The following GNA14 variants were observed in gnomAD, a reference collection of about 807,000 sequenced individuals.
The protein encoded by GNA14 is G protein subunit alpha 14.
A neutral mutation model predicts 42.0 loss-of-function variants in GNA14; 50 were observed. The observed-to-expected ratio is 1.19, with a 90% confidence interval of 0.95 to 1.51. The LOEUF (loss-of-function observed/expected upper bound fraction) is 1.51. Among genes scored for constraint, GNA14 ranks in the 40% most tolerant of loss-of-function variants. The probability of loss-of-function intolerance (pLI) is 0.00; values close to 1 mark genes in which losing one functional copy is unlikely to be tolerated. For synonymous variants in GNA14, 173 were observed against 163.1 expected (o/e 1.06, Z -0.46); for missense variants, 473 against 446.2 (o/e 1.06, Z -0.54).
chr9:77,626,307 C>T (rs1824012045), intron 1 of GNA14, among the ~76,000 whole-genome samples: 2 of 152,162 alleles, frequency 1.3e-5, no homozygotes, highest in South Asian at 4.2e-4. Flanking sequence ...CTTTAACACC[C>T]CATTGTCAAT....
At chr9:77,434,657 C>T (rs1835614533) in intron 2 of GNA14, 135 bp from the exon 3 acceptor site, 1 of 690,450 alleles carries the variant, frequency 1.4e-6, no homozygotes, top group East Asian at 2.7e-5. Flanking sequence ...GGGCACCCTC[C>T]CAGGGGCCGC....
chr9:77,531,478 G>A (rs1472130351), intron 1 of GNA14, among the ~76,000 whole-genome samples: 1 of 152,146 alleles, frequency 6.6e-6, no homozygotes, highest in African/African-American at 2.4e-5. Context: ...CTCTACTCCT[G>A]CAGCATCTTG....
At chr9:77,466,288 GCTTC>G (rs1836223402) in intron 2 of GNA14, among the ~76,000 whole-genome samples, 1 of 151,942 alleles carries the variant, frequency 6.6e-6, no homozygotes, top group African/African-American at 2.4e-5. Context: ...CTGAGACCAT[GCTTC>G]CTTTTCTTTC....
rs960366618 is a variant in GNA14 at position 77,461,957 on chromosome 9, C to T, written c.310-27435G>A. Among the ~76,000 whole-genome samples the T allele has an allele frequency of 1.4e-4, 21 of 152,222 alleles. No homozygotes were observed. The East Asian group carries it at 1.9e-3, about 14-fold the overall frequency. On this transcript the variant is annotated intron_variant, in intron 2 of 6. Transcript: ENST00000341700. ...CTCTTTTATATAATTGCTTTCTACA[C>T]GCTTTTTTGTTGTTGTTGAGAAACC...
chr9:77,431,023 TTTGTG>T (rs201914522), intron 4 of GNA14, among the ~76,000 whole-genome samples: 4,407 of 111,490 alleles, frequency 0.04, 145 homozygotes, highest in African/African-American at 0.11. Flanking sequence ...GAAGTATACA[TTTGTG>T]TGTGTGTGTG....
intron 1 of GNA14, among the ~76,000 whole-genome samples, chr9:77,601,367 C>T (rs928320199): frequency 1.3e-5 from 2 of 152,126 alleles, no homozygotes; most frequent in African/African-American, 4.8e-5. Context: ...GAATCTTTTA[C>T]TCAAGATTAA....
At chr9:77,445,804 T>C (rs7027435) in intron 2 of GNA14, among the ~76,000 whole-genome samples, 1,788 of 152,248 alleles carry the variant, frequency 0.012, 37 homozygotes, top group African/African-American at 0.041. Flanking sequence ...AACGTGGTCA[T>C]GTTATGTGGG....
rs1158448237 is a variant in GNA14, at chr9:77,515,960, C to CAAAAAAAA, written c.309+13101_309+13108dup. Among the ~76,000 whole-genome samples, 85 of 52,730 alleles carry CAAAAAAAA rather than the reference C, an allele frequency of 1.6e-3. 9 individuals carry two copies. Among genetic ancestry groups the CAAAAAAAA allele is most frequent in the African/African-American group, 3.4e-3 (54 of 15,730 alleles). The allele number at this position is 52,730 out of a possible 152,430, so 34.6% of individuals were successfully genotyped here. A position where few individuals can be genotyped will look rare whatever the true frequency, so the allele number is the denominator to read the frequency against. ...GGCAACGCAGCAAGACCCTGTCTCA[C>CAAAAAAAA]AAAAAAAAAAAAAAAAAAAAAAACC... On this transcript the variant is annotated intron_variant, in intron 2 of 6. Coordinates refer to ENST00000341700, the MANE Select transcript of GNA14 (RefSeq NM_004297.4).
chr9:77,517,585 CTTTTCTT>C (rs750773906), intron 2 of GNA14: 1 of 48,810 alleles, frequency 2.0e-5, no homozygotes, highest in African/African-American at 7.9e-5. Flanking sequence ...TATCCTGGTA[CTTTTCTT>C]TTTTTTTTTT....
At chr9:77,425,800 T>G in intron 5 of GNA14, 85 bp from the exon 6 acceptor site, 14 of 1,006,738 alleles carry the variant, frequency 1.4e-5, no homozygotes, top group Non-Finnish European at 1.8e-5. Context: ...CATCCATCTC[T>G]TCCCTTGCCC....
chr9:77,591,446 T>A (rs1823390233), intron 1 of GNA14, among the ~76,000 whole-genome samples: 1 of 152,210 alleles, frequency 6.6e-6, no homozygotes, highest in Non-Finnish European at 1.5e-5. Flanking sequence ...AGGGGCCAAC[T>A]ATCCAGGCCT....
intron 2 of GNA14, among the ~76,000 whole-genome samples, chr9:77,506,806 G>T (rs1837078080): frequency 6.6e-6 from 1 of 152,170 alleles, no homozygotes; most frequent in South Asian, 2.1e-4. Context: ...GCCACATGGG[G>T]CTAGTCACTA....
intron 1 of GNA14, among the ~76,000 whole-genome samples, chr9:77,544,453 A>G (rs1837695469): frequency 6.6e-6 from 1 of 152,168 alleles, no homozygotes; most frequent in African/African-American, 2.4e-5. Context: ...CTGTAATCCC[A>G]GCACTTTGGG....
chr9:77,438,469 T>C (rs536332352), intron 2 of GNA14, among the ~76,000 whole-genome samples: 49 of 152,170 alleles, frequency 3.2e-4, no homozygotes, highest in Non-Finnish European at 6.5e-4. Flanking sequence ...GGTTTCAACA[T>C]GTTGGACAGG....
In GNA14 at chr9:77,423,966, T is replaced by C. The variant is rs779051872; in HGVS notation, c.*13A>G. On this transcript the variant is annotated 3_prime_UTR_variant, in exon 7 of 7. Transcript: ENST00000341700. ...CACATCTTCTGTTATAGGGGAGGAG[T>C]GGGCAGCAGCTTTTAGACAAGGTTG... 34 of 1,549,204 alleles carry C rather than the reference T, an allele frequency of 2.2e-5. No individual in the cohort carries two copies. The highest frequency in any genetic ancestry group is 2.9e-5 in the Non-Finnish European group (33 of 1,141,310).
intron 2 of GNA14, among the ~76,000 whole-genome samples, chr9:77,481,433 T>A (rs1836550683): frequency 6.6e-6 from 1 of 152,228 alleles, no homozygotes. Flanking sequence ...ATAATTTCTG[T>A]TCTTTTACAT....
chr9:77,467,000 G>GTGT, intron 2 of GNA14, among the ~76,000 whole-genome samples: 1 of 143,620 alleles, frequency 7.0e-6, no homozygotes, highest in Non-Finnish European at 1.5e-5. Flanking sequence ...TTTACCACTC[G>GTGT]GTGTGTGTGT....
Position 77,624,713 on chromosome 9 carries a change from A to G in GNA14, c.124+22957T>C, listed in dbSNP as rs1470212517. ...TTAGAAAGAAAACTAACAAACAGAAAGGAATAGCATGTCCACTCAGAAACC... is the reference window on the plus strand; with the variant it reads ...TTAGAAAGAAAACTAACAAACAGAAGGGAATAGCATGTCCACTCAGAAACC... On this transcript the variant is annotated intron_variant, in intron 1 of 6. Transcript: ENST00000341700. Among the ~76,000 whole-genome samples, 3 of 152,314 alleles carry G rather than the reference A, an allele frequency of 2.0e-5. No homozygotes were observed. The East Asian group carries it at 5.8e-4, about 30-fold the overall frequency.
At chr9:77,618,168 C>T (rs1170374519) in intron 1 of GNA14, among the ~76,000 whole-genome samples, 1 of 152,132 alleles carries the variant, frequency 6.6e-6, no homozygotes, top group African/African-American at 2.4e-5. Flanking sequence ...ACAAAACCCA[C>T]TAAAGCATGG....
Sources: allele counts gnomAD v4.1 joint callset (sites outside exome capture counted in the v4.1 genomes callset), GRCh38; gene constraint gnomAD v4.1.1; transcripts MANE v1.5; gene names NCBI Gene and HGNC (gene_info 2026-07-23, HGNC 2026-07-21).